Variants in PIP5K1B observed in about 807,000 individuals in gnomAD.
PIP5K1B encodes phosphatidylinositol-4-phosphate 5-kinase type 1 beta.
PIP5K1B carries 42 observed loss-of-function variants against 67.0 expected under a neutral mutation model. That is an observed-to-expected ratio of 0.63 (90% CI 0.49 to 0.81). PIP5K1B has a LOEUF of 0.81. PIP5K1B is among the 30% of genes least tolerant of loss of function. The pLI, the probability that PIP5K1B is intolerant of heterozygous loss-of-function variation, is 0.00. For missense variants in PIP5K1B, 459 were observed against 646.3 expected, an observed-to-expected ratio of 0.71 and a Z score of 3.14; for synonymous variants, 214 against 231.4, an observed-to-expected ratio of 0.92 and a Z score of 0.68.
chr9:68,998,419 G>A (rs973686487), intron 15 of PIP5K1B, among the ~76,000 whole-genome samples: 1 of 152,130 alleles, frequency 6.6e-6, no homozygotes, highest in Non-Finnish European at 1.5e-5. Flanking sequence ...ATACATCCAG[G>A]CGCGGGTTGC....
chr9:68,887,425 T>C (rs1160031463), intron 6 of PIP5K1B, among the ~76,000 whole-genome samples: 28 of 152,308 alleles, frequency 1.8e-4, no homozygotes, highest in Non-Finnish European at 7.4e-5. Context: ...AGTTAGTCTC[T>C]GTGGCTAGAG....
chr9:68,957,665 CTTCT>C (rs908323189), intron 14 of PIP5K1B, among the ~76,000 whole-genome samples: 16 of 152,166 alleles, frequency 1.1e-4, no homozygotes, highest in Admixed American at 2.0e-4. Context: ...CTTAGCAAGG[CTTCT>C]TTGTTTAGAT....
rs975039495 is a variant in PIP5K1B at position 68,899,416 on chromosome 9, T to C, written c.771+4778T>C. 4.6e-5 allele frequency among the ~76,000 whole-genome samples: 7 copies of C among 152,322 alleles called. No individual in the cohort carries two copies. In the South Asian group the frequency reaches 1.2e-3, roughly 27 times the overall value. On this transcript the variant is annotated intron_variant, in intron 8 of 15. Transcript: ENST00000265382. ...TCTTAGTAGGTACTTAGTAAGTGTT[T>C]ATTGGAATATGTATTTGAACAGAGG...
At chr9:68,981,474 G>A (rs1200357473) in intron 14 of PIP5K1B, among the ~76,000 whole-genome samples, 1 of 151,716 alleles carries the variant, frequency 6.6e-6, no homozygotes, top group Non-Finnish European at 1.5e-5. Context: ...GAATGGCGGA[G>A]GGTGGGGGTG....
chr9:68,929,213 C>T (rs1031470679), intron 12 of PIP5K1B, among the ~76,000 whole-genome samples: 2 of 149,258 alleles, frequency 1.3e-5, no homozygotes, highest in Non-Finnish European at 3.0e-5. Context: ...ATCCCCAGCA[C>T]TTAATGAAGC....
At chr9:68,750,338 A>G (rs1829560597) in intron 2 of PIP5K1B, among the ~76,000 whole-genome samples, 1 of 152,178 alleles carries the variant, frequency 6.6e-6, no homozygotes, top group South Asian at 2.1e-4. Flanking sequence ...ATGCTAACTC[A>G]CTGAACTCTT....
intron 2 of PIP5K1B, among the ~76,000 whole-genome samples, chr9:68,790,838 T>A (rs572227874): frequency 1.1e-4 from 16 of 152,366 alleles, no homozygotes; most frequent in African/African-American, 3.8e-4. Flanking sequence ...AGATTTCAAG[T>A]GCTGCCCTAA....
intron 11 of PIP5K1B, among the ~76,000 whole-genome samples, chr9:68,921,934 A>G (rs990803675): frequency 5.3e-5 from 8 of 152,236 alleles, no homozygotes; most frequent in African/African-American, 9.6e-5. Context: ...TGCTGGTTAT[A>G]TATCATGAAC....
At chr9:68,930,120 T>A (rs185399736) in intron 12 of PIP5K1B, among the ~76,000 whole-genome samples, 83 of 152,354 alleles carry the variant, frequency 5.4e-4, no homozygotes, top group African/African-American at 1.5e-3. Context: ...TGGAAGCTTT[T>A]CATCCCTGCT....
At chr9:68,993,341 G>T (rs879661081) in intron 15 of PIP5K1B, among the ~76,000 whole-genome samples, 2 of 152,070 alleles carry the variant, frequency 1.3e-5, no homozygotes, top group Non-Finnish European at 2.9e-5. Flanking sequence ...TGCCATTCCT[G>T]TCTGTGTATT....
At chr9:68,935,102 G>A in intron 13 of PIP5K1B, 57 bp downstream of exon 13, 1 of 1,458,134 alleles carries the variant, frequency 6.9e-7, no homozygotes, top group Non-Finnish European at 9.4e-7. Context: ...ATTTATACAA[G>A]TAAATTTGCA....
At chr9:68,908,603 T>A (rs1825724712) in intron 8 of PIP5K1B, among the ~76,000 whole-genome samples, 1 of 152,176 alleles carries the variant, frequency 6.6e-6, no homozygotes, top group Admixed American at 6.5e-5. Context: ...TATTTTCTCA[T>A]TATGACATTA....
At position 68,855,164 on chromosome 9, in the gene PIP5K1B, C is replaced by T. The variant is rs567203740; in HGVS notation, c.70-8673C>T. Among the ~76,000 whole-genome samples the T allele has an allele frequency of 2.3e-3, 344 of 152,280 alleles. 3 individuals carry two copies. Among genetic ancestry groups the T allele is most frequent in the Middle Eastern group, 3.4e-3 (1 of 294 alleles). ...CAGATGAAAGAGCTACTTGTGGAGA[C>T]GGTTGTCACCCCTTTCTTCAAACTC... is the stretch of plus-strand genomic sequence containing the variant. On this transcript the variant is annotated intron_variant, in intron 4 of 15. Transcript: ENST00000265382.
intron 1 of PIP5K1B, among the ~76,000 whole-genome samples, chr9:68,717,562 C>T (rs1345835778): frequency 6.6e-6 from 1 of 152,180 alleles, no homozygotes; most frequent in African/African-American, 2.4e-5. Flanking sequence ...GGCTCTCTTC[C>T]AGCTTACAGA....
intron 12 of PIP5K1B, among the ~76,000 whole-genome samples, chr9:68,924,858 A>G (rs1034531007): frequency 2.0e-5 from 3 of 152,174 alleles, no homozygotes; most frequent in African/African-American, 7.2e-5. Flanking sequence ...AGATGAAAAA[A>G]AAATGAAAAT....
chr9:68,909,807 A>G (rs73461629), intron 8 of PIP5K1B, among the ~76,000 whole-genome samples: 4 of 152,168 alleles, frequency 2.6e-5, no homozygotes, highest in African/African-American at 7.2e-5. Context: ...TCTTTCTGCA[A>G]TGTTAGTACC....
rs186749035 is a variant in PIP5K1B, at chr9:68,998,039, A to G, written c.1620+6782A>G. 8.0e-4 allele frequency among the ~76,000 whole-genome samples: 113 copies of G among 141,658 alleles called. No homozygotes were observed. In the East Asian group the frequency reaches 0.021, roughly 27 times the overall value. The allele number at this position is 141,658 out of a possible 152,430, so 92.9% of individuals were successfully genotyped here. ...TGGCTTGCAGGCTAGCTTGATTTCT[A>G]CTTTCTTTTTTTCTTTTTTTCTTTT... On this transcript the variant is annotated intron_variant, in intron 15 of 15. Transcript: ENST00000265382.
chr9:68,833,500 A>G (rs1025299910), intron 4 of PIP5K1B, among the ~76,000 whole-genome samples: 6 of 152,186 alleles, frequency 3.9e-5, no homozygotes, highest in Non-Finnish European at 8.8e-5. Flanking sequence ...CCCAGGAGAC[A>G]TTAGACAGTG....
At chr9:68,880,012 G>A (rs996391266) in intron 6 of PIP5K1B, among the ~76,000 whole-genome samples, 5 of 151,990 alleles carry the variant, frequency 3.3e-5, no homozygotes, top group Non-Finnish European at 7.4e-5. Flanking sequence ...TACTCTAAAC[G>A]GGTGAATTGA....
Sources: allele counts gnomAD v4.1 joint callset (sites outside exome capture counted in the v4.1 genomes callset), GRCh38; gene constraint gnomAD v4.1.1; transcripts MANE v1.5; gene names NCBI Gene and HGNC (gene_info 2026-07-23, HGNC 2026-07-21).